Variants in NLRP5 observed in about 807,000 individuals in gnomAD.
NLRP5 encodes NACHT, LRR and PYD domains-containing protein 5.
NLRP5 carries 93 observed loss-of-function variants against 113.1 expected under a neutral mutation model. The ratio of observed to expected loss-of-function variants is 0.82; its 90% CI spans 0.70 to 0.98. The LOEUF (loss-of-function observed/expected upper bound fraction) is 0.98. Among genes scored for constraint, NLRP5 ranks in the 50% least tolerant of loss-of-function variants. NLRP5 has a pLI of 0.00. For missense variants in NLRP5, 1,808 were observed against 1,514.3 expected, an observed-to-expected ratio of 1.19 and a Z score of -3.22; for synonymous variants, 751 against 600.7, an observed-to-expected ratio of 1.25 and a Z score of -3.66.
intron 11 of NLRP5, among the ~76,000 whole-genome samples, chr19:56,043,237 T>A (rs543855140): frequency 1.3e-5 from 2 of 152,216 alleles, no homozygotes; most frequent in Non-Finnish European, 2.9e-5. Flanking sequence ...AGTGGATGCG[T>A]TCCCTGATCA....
chr19:56,041,537 G>A (rs1438313541), intron 11 of NLRP5, among the ~76,000 whole-genome samples: 3 of 152,114 alleles, frequency 2.0e-5, no homozygotes, highest in African/African-American at 7.2e-5. Flanking sequence ...CATGACCAAC[G>A]GCACCGTGAC....
chr19:55,996,604 G>C (rs998456392), upstream of NLRP5, among the ~76,000 whole-genome samples: 1 of 152,134 alleles, frequency 6.6e-6, no homozygotes, highest in Non-Finnish European at 1.5e-5. Context: ...TTTCGTCCTT[G>C]CGATAGTTTG....
At chr19:56,028,661 G>C (rs1158637853) in intron 7 of NLRP5, among the ~76,000 whole-genome samples, 152 bp downstream of exon 7, 2 of 152,138 alleles carry the variant, frequency 1.3e-5, no homozygotes, top group Non-Finnish European at 2.9e-5. Flanking sequence ...AAAATGCCAG[G>C]ACCGGAATCT....
At chr19:56,017,156 C>T (rs901528928) in intron 4 of NLRP5, among the ~76,000 whole-genome samples, 1 of 152,158 alleles carries the variant, frequency 6.6e-6, no homozygotes, top group Non-Finnish European at 1.5e-5. Flanking sequence ...CTCTTTCATT[C>T]CCGACTCCAG....
intron 13 of NLRP5, among the ~76,000 whole-genome samples, chr19:56,054,726 G>T (rs907197823): frequency 2.0e-5 from 3 of 152,108 alleles, no homozygotes; most frequent in Non-Finnish European, 4.4e-5. Context: ...AAAGTAGAGG[G>T]GTTGTCATGG....
chr19:56,054,305 A>G (rs3103058), intron 13 of NLRP5, among the ~76,000 whole-genome samples: 107,388 of 152,072 alleles, frequency 0.71, 38,549 homozygotes, highest in Middle Eastern at 0.81. Flanking sequence ...CGCCTGTAAC[A>G]CCAGCACTTT....
intron 3 of NLRP5, among the ~76,000 whole-genome samples, chr19:56,013,399 A>G (rs1982275875): frequency 6.6e-6 from 1 of 151,808 alleles, no homozygotes; most frequent in South Asian, 2.1e-4. Context: ...TCACAGTGTT[A>G]GCCAAAATTG....
chr19:56,003,408 T>A (rs112340962), intron 1 of NLRP5, among the ~76,000 whole-genome samples: 5 of 152,056 alleles, frequency 3.3e-5, no homozygotes, highest in Admixed American at 3.3e-4. Context: ...CCTGCCTTGG[T>A]CTCCCAAAGT....
At chr19:56,041,681 C>T (rs1983527925) in intron 11 of NLRP5, among the ~76,000 whole-genome samples, 1 of 152,152 alleles carries the variant, frequency 6.6e-6, no homozygotes. Flanking sequence ...GGCGCGGTGG[C>T]TCACACCTGT....
chr19:56,051,967 T>G (rs1055472986), intron 12 of NLRP5, among the ~76,000 whole-genome samples: 5 of 152,202 alleles, frequency 3.3e-5, no homozygotes, highest in African/African-American at 1.2e-4. Flanking sequence ...AATTCTACCA[T>G]TTGTTTTAAT....
At chr19:56,058,066 T>A (rs1179664901) in intron 13 of NLRP5, among the ~76,000 whole-genome samples, 174 bp from the exon 14 acceptor site, 2 of 151,000 alleles carry the variant, frequency 1.3e-5, no homozygotes, top group Non-Finnish European at 2.9e-5. Flanking sequence ...GGGTCTTTCA[T>A]CAGAACAACT....
the NLRP5 span, among the ~76,000 whole-genome samples, chr19:55,987,327 G>A: frequency 6.1e-4 from 93 of 152,356 alleles, 1 homozygote; most frequent in South Asian, 8.5e-3. Context: ...CCAAGGTCAC[G>A]CCACTGCACT....
At chr19:56,039,683 G>A (rs1343980194) in intron 10 of NLRP5, among the ~76,000 whole-genome samples, 10 of 152,160 alleles carry the variant, frequency 6.6e-5, no homozygotes, top group East Asian at 1.9e-4. Context: ...AGGCCGAGGC[G>A]GGCGGATCAC....
chr19:56,043,453 TC>T (rs1182735536), intron 11 of NLRP5, among the ~76,000 whole-genome samples: 1 of 151,962 alleles, frequency 6.6e-6, no homozygotes, highest in African/African-American at 2.4e-5. Flanking sequence ...GATTGTTTTT[TC>T]TTGGATTTGT....
intron 11 of NLRP5, among the ~76,000 whole-genome samples, chr19:56,049,852 A>G (rs1983865076): frequency 6.6e-6 from 1 of 151,942 alleles, no homozygotes; most frequent in South Asian, 2.1e-4. Context: ...AAATTCGAGG[A>G]TGTCTTCTTG....
chr19:56,049,555 G>T (rs1423154274), intron 11 of NLRP5, among the ~76,000 whole-genome samples: 3 of 150,266 alleles, frequency 2.0e-5, no homozygotes, highest in Non-Finnish European at 4.4e-5. Flanking sequence ...TGATCCTCCC[G>T]CCTTGGCCTC....
At chr19:56,002,424 T>C (rs1055868415) in intron 1 of NLRP5, among the ~76,000 whole-genome samples, 2 of 152,086 alleles carry the variant, frequency 1.3e-5, no homozygotes, top group Non-Finnish European at 2.9e-5. Context: ...AACTGGTTAT[T>C]AGTAACTGGT....
the NLRP5 span, among the ~76,000 whole-genome samples, chr19:55,990,085 T>TTTTC: frequency 1.9e-5 from 1 of 52,324 alleles, no homozygotes. Context: ...TTTTCTTTTT[T>TTTTC]TTTTTTTTTT....
intron 2 of NLRP5, among the ~76,000 whole-genome samples, chr19:56,008,466 T>G (rs1377644020): frequency 6.6e-6 from 1 of 152,140 alleles, no homozygotes; most frequent in Non-Finnish European, 1.5e-5. Context: ...TAACTGGGTC[T>G]GGAGTTCAAG....
Sources: allele counts gnomAD v4.1 joint callset (sites outside exome capture counted in the v4.1 genomes callset), GRCh38; gene constraint gnomAD v4.1.1; transcripts MANE v1.5; gene names NCBI Gene and HGNC (gene_info 2026-07-23, HGNC 2026-07-21).